Variants in TANC2 observed in about 807,000 individuals in gnomAD.
TANC2 encodes protein TANC2.
A neutral mutation model predicts 210.5 loss-of-function variants in TANC2; 26 were observed. The observed-to-expected ratio is 0.12, with a 90% confidence interval of 0.09 to 0.17. The LOEUF is 0.17. Among genes scored for constraint, TANC2 ranks in the 10% least tolerant of loss-of-function variants. The pLI is 1.00. For synonymous variants in TANC2, 931 were observed against 967.1 expected (o/e 0.96, Z 0.69); for missense variants, 2,129 against 2,608.9 (o/e 0.82, Z 4.01).
At chr17:63,413,823 T>C (rs909168986) in intron 25 of TANC2, among the ~76,000 whole-genome samples, 189 bp downstream of exon 25, 10 of 152,174 alleles carry the variant, frequency 6.6e-5, no homozygotes, top group Non-Finnish European at 1.5e-4. Context: ...GAGTAGCCTA[T>C]AGTTGCCTGC....
Position 63,421,115 on chromosome 17 carries a change from C to T in TANC2, c.5385C>T (p.Tyr1795=), listed in dbSNP as rs754143304. The T allele has an allele frequency of 1.1e-5, 18 of 1,614,006 alleles. No individual in the cohort carries two copies. The highest frequency in any genetic ancestry group is 1.4e-5 in the Non-Finnish European group (16 of 1,179,898). Residue 1795 remains tyrosine (Y), a synonymous_variant, in exon 28 of 28, where the codon TAC becomes TAT. Coordinates refer to ENST00000689528, the Ensembl canonical transcript of TANC2. The surrounding 1 kb of genome is among the most constrained non-coding windows in gnomAD (Gnocchi z 6.9). ...CAGCATACCGAGGTGGCGTGAGATACAGCCAGACACCACAGATCGGACGCA... is the reference window on the plus strand; with the variant it reads ...CAGCATACCGAGGTGGCGTGAGATATAGCCAGACACCACAGATCGGACGCA...
At chr17:63,138,167 G>A (rs917768079) in intron 4 of TANC2, among the ~76,000 whole-genome samples, 4 of 152,032 alleles carry the variant, frequency 2.6e-5, no homozygotes, top group Admixed American at 1.3e-4. Flanking sequence ...CACCCCCTGC[G>A]TCTCTGGATG....
intron 20 of TANC2, among the ~76,000 whole-genome samples, 165 bp downstream of exon 20, chr17:63,405,420 C>T (rs538660844): frequency 4.6e-5 from 7 of 152,330 alleles, no homozygotes; most frequent in African/African-American, 9.6e-5. Flanking sequence ...ATTGAGAATA[C>T]GACAGTTAAC....
chr17:62,971,584 C>T (rs1228419874), intron 1 of TANC2, among the ~76,000 whole-genome samples: 2 of 152,212 alleles, frequency 1.3e-5, no homozygotes, highest in African/African-American at 4.8e-5. Context: ...CCTGCCTTGG[C>T]CTCCCAAAGT....
intron 7 of TANC2, among the ~76,000 whole-genome samples, chr17:63,214,671 A>T (rs2041976749): frequency 6.6e-6 from 1 of 152,194 alleles, no homozygotes; most frequent in Non-Finnish European, 1.5e-5. Context: ...TACAGGTACT[A>T]ATCCCATTTG....
intron 5 of TANC2, chr17:63,182,431 G>A (rs1039627471): frequency 1.9e-5 from 5 of 264,970 alleles, no homozygotes; most frequent in Admixed American, 7.5e-5. Flanking sequence ...TTGACAGTTC[G>A]TTTTAGTTTG....
chr17:63,174,788 GGTCA>G (rs1466978185), intron 5 of TANC2, among the ~76,000 whole-genome samples: 2 of 152,066 alleles, frequency 1.3e-5, no homozygotes, highest in Non-Finnish European at 2.9e-5. Flanking sequence ...CAGAAGAGAA[GGTCA>G]GTGAGGTCAC....
At chr17:63,232,815 C>T (rs1598660928) in intron 7 of TANC2, among the ~76,000 whole-genome samples, 1 of 152,266 alleles carries the variant, frequency 6.6e-6, no homozygotes, top group South Asian at 2.1e-4. Flanking sequence ...GGGAATCCCA[C>T]TTGTCTGGAC....
intron 8 of TANC2, among the ~76,000 whole-genome samples, chr17:63,263,318 A>G (rs1223024545): frequency 6.6e-6 from 1 of 152,186 alleles, no homozygotes; most frequent in East Asian, 1.9e-4. Flanking sequence ...TATATATTAT[A>G]ACTAAATGAA....
At chr17:63,084,560 C>T (rs1246835782) in intron 3 of TANC2, among the ~76,000 whole-genome samples, 2 of 151,444 alleles carry the variant, frequency 1.3e-5, no homozygotes, top group African/African-American at 2.4e-5. Context: ...ATTTGCTCTT[C>T]TTTTTCTAGT....
chr17:63,251,112 T>C (rs1394409622), intron 8 of TANC2, among the ~76,000 whole-genome samples: 1 of 152,184 alleles, frequency 6.6e-6, no homozygotes, highest in Non-Finnish European at 1.5e-5. Context: ...AAAGATGAAT[T>C]GGGCATTTCT....
At chr17:63,272,048 A>G (rs996194522) in intron 9 of TANC2, among the ~76,000 whole-genome samples, 16 of 152,054 alleles carry the variant, frequency 1.1e-4, no homozygotes, top group Non-Finnish European at 5.9e-5. Flanking sequence ...TTTATCCAGA[A>G]TGGTATTGCC....
At chr17:63,373,023 T>C (rs1395918384) in intron 14 of TANC2, among the ~76,000 whole-genome samples, 1 of 151,620 alleles carries the variant, frequency 6.6e-6, no homozygotes, top group African/African-American at 2.4e-5. Flanking sequence ...GCCTCCCAAG[T>C]AGCTAGGAGC....
At chr17:63,253,245 CTT>C (rs1253312251) in intron 8 of TANC2, among the ~76,000 whole-genome samples, 1 of 152,098 alleles carries the variant, frequency 6.6e-6, no homozygotes, top group Non-Finnish European at 1.5e-5. Context: ...ATTTGTATGT[CTT>C]GTGAGAAATG....
At chr17:63,363,943 C>T (rs2047036211) in intron 14 of TANC2, among the ~76,000 whole-genome samples, 1 of 152,208 alleles carries the variant, frequency 6.6e-6, no homozygotes, top group Non-Finnish European at 1.5e-5. Context: ...TCTCTATCTT[C>T]CACTGAGTGG....
At chr17:63,030,987 G>T (rs1045587410) in intron 2 of TANC2, among the ~76,000 whole-genome samples, 1 of 152,092 alleles carries the variant, frequency 6.6e-6, no homozygotes, top group Admixed American at 6.6e-5. Context: ...AGCTGTTGTA[G>T]TATAAATTAA....
chr17:63,318,939 T>G lies in TANC2; in HGVS notation c.1442-18T>G. Reference sequence around the variant, plus strand: ...TTTATGATTATCTGATGCAAACATCTAAATCTTTTTAATCCAGATGTGGAT... The same window carrying G: ...TTTATGATTATCTGATGCAAACATCGAAATCTTTTTAATCCAGATGTGGAT... On this transcript the variant is annotated intron_variant, in intron 10 of 27. Coordinates refer to ENST00000689528, the Ensembl canonical transcript of TANC2. The G allele has an allele frequency of 1.9e-6, 3 of 1,611,908 alleles. No individual in the cohort carries two copies. Among genetic ancestry groups the G allele is most frequent in the Non-Finnish European group, 2.5e-6 (3 of 1,179,722 alleles).
At chr17:62,991,062 G>A (rs1010525974) in intron 1 of TANC2, among the ~76,000 whole-genome samples, 24 of 152,084 alleles carry the variant, frequency 1.6e-4, no homozygotes, top group African/African-American at 4.3e-4. Flanking sequence ...GTGTTCAGCC[G>A]CCTTGGTATA....
intron 7 of TANC2, among the ~76,000 whole-genome samples, chr17:63,227,094 T>A (rs150073630): frequency 3.9e-5 from 6 of 152,298 alleles, no homozygotes; most frequent in South Asian, 4.1e-4. Context: ...ATATAATAAT[T>A]TATATTCCTT....
Sources: allele counts gnomAD v4.1 joint callset (sites outside exome capture counted in the v4.1 genomes callset), GRCh38; gene constraint gnomAD v4.1.1; non-coding constraint Gnocchi (gnomAD v3.1); transcripts MANE v1.5; gene names NCBI Gene and HGNC (gene_info 2026-07-23, HGNC 2026-07-21).